MYT1L: variants seen among roughly 807,000 people sequenced by gnomAD.
MYT1L encodes the protein myelin transcription factor 1-like protein.
In MYT1L, 12 loss-of-function variants were observed where a neutral mutation model predicts 126.7. The observed-to-expected ratio is 0.09, with a 90% CI of 0.06 to 0.15. MYT1L has a LOEUF of 0.15. Among genes scored for constraint, MYT1L ranks in the 10% least tolerant of loss-of-function variants. The pLI, the probability that MYT1L is intolerant of heterozygous loss-of-function variation, is 1.00. For missense variants in MYT1L, 979 were observed against 1,585.2 expected (o/e 0.62, Z 6.49); for synonymous variants, 541 against 604.2 (o/e 0.90, Z 1.53).
intron 2 of MYT1L, among the ~76,000 whole-genome samples, chr2:2,208,377 G>A (rs546068304): frequency 6.6e-5 from 10 of 152,206 alleles, no homozygotes; most frequent in South Asian, 4.1e-4. Context: ...ATGACATAAC[G>A]CAGGCAGAGC....
chr2:1,985,543 A>G (rs1053173950), intron 5 of MYT1L, among the ~76,000 whole-genome samples: 16 of 152,384 alleles, frequency 1.0e-4, no homozygotes, highest in Admixed American at 8.5e-4. Flanking sequence ...TATGAAGATT[A>G]GCAAGAATCA....
chr2:1,996,984 G>A (rs1308381048), intron 5 of MYT1L, among the ~76,000 whole-genome samples: 10 of 136,330 alleles, frequency 7.3e-5, no homozygotes, highest in Admixed American at 1.5e-4. Flanking sequence ...TAGACGGGCC[G>A]CCTTTACCTA....
chr2:1,831,330 T>C (rs1260552370), intron 21 of MYT1L, among the ~76,000 whole-genome samples: 1 of 151,888 alleles, frequency 6.6e-6, no homozygotes, highest in East Asian at 1.9e-4. Context: ...CTCCACCTGG[T>C]ACTCCTGCTG....
intron 8 of MYT1L, among the ~76,000 whole-genome samples, chr2:1,974,035 T>C (rs1255737803): frequency 1.3e-5 from 2 of 152,184 alleles, no homozygotes; most frequent in Non-Finnish European, 2.9e-5. Flanking sequence ...CACAAAACAA[T>C]AGCGGACGGT....
intron 4 of MYT1L, among the ~76,000 whole-genome samples, chr2:2,004,749 G>T (rs1003818393): frequency 0.019 from 1,714 of 91,798 alleles, 22 homozygotes; most frequent in African/African-American, 0.1. Flanking sequence ...CTTTCCTGCA[G>T]GCGTTCTTTC....
intron 2 of MYT1L, among the ~76,000 whole-genome samples, chr2:2,233,024 A>G (rs2094196948): frequency 6.6e-6 from 1 of 152,210 alleles, no homozygotes; most frequent in African/African-American, 2.4e-5. Context: ...ACGTTCAGGA[A>G]GCCCCTGACT....
intron 11 of MYT1L, among the ~76,000 whole-genome samples, chr2:1,916,461 T>A (rs1458486459): frequency 6.6e-6 from 1 of 152,216 alleles, no homozygotes; most frequent in Non-Finnish European, 1.5e-5. Flanking sequence ...TGAGAATGTG[T>A]CTTTTCCCTG....
At chr2:1,956,507 TTCTATCTA>T (rs201077164) in intron 8 of MYT1L, among the ~76,000 whole-genome samples, 4,799 of 111,772 alleles carry the variant, frequency 0.043, 153 homozygotes, top group South Asian at 0.066. Flanking sequence ...ATATTTCCTA[TTCTATCTA>T]TCTATCTATC....
intron 23 of MYT1L, among the ~76,000 whole-genome samples, chr2:1,792,828 C>T (rs2032426667): frequency 7.0e-6 from 1 of 143,132 alleles, no homozygotes; most frequent in South Asian, 2.3e-4. Flanking sequence ...TGAGATCACA[C>T]CATTGCACTC....
At chr2:2,097,060 C>A (rs984430563) in intron 3 of MYT1L, among the ~76,000 whole-genome samples, 2 of 152,164 alleles carry the variant, frequency 1.3e-5, no homozygotes, top group Non-Finnish European at 2.9e-5. Context: ...AATCTCCCTG[C>A]AACCACAGGG....
intron 2 of MYT1L, among the ~76,000 whole-genome samples, chr2:2,183,922 GAGGA>G (rs1325247071): frequency 2.2e-5 from 3 of 137,452 alleles, no homozygotes; most frequent in Non-Finnish European, 4.7e-5. Flanking sequence ...GAAGGAGAGA[GAGGA>G]AGGAAGAAAA....
In MYT1L at chr2:2,238,674, T is replaced by G. The variant is rs182022161; in HGVS notation, c.-421+45730A>C. 7.9e-5 allele frequency among the ~76,000 whole-genome samples: 12 copies of G among 152,328 alleles called. No individual in the cohort carries two copies. In the East Asian group the frequency reaches 2.3e-3, roughly 29 times the overall value. ...ATCTGAGAGATCCTGCGTTACAATC[T>G]CCGTGTAGGAGCTCTGCTACTAAAG... On this transcript the variant is annotated intron_variant, in intron 2 of 24. Coordinates refer to ENST00000647738, the MANE Select transcript of MYT1L (RefSeq NM_001303052.2).
chr2:1,986,302 A>C (rs1018200269), intron 5 of MYT1L, among the ~76,000 whole-genome samples: 2 of 152,304 alleles, frequency 1.3e-5, no homozygotes, highest in Admixed American at 1.3e-4. Flanking sequence ...GCATGGTGGG[A>C]ATGCCACGTC....
intron 2 of MYT1L, among the ~76,000 whole-genome samples, chr2:2,201,350 T>TTATCAATTG (rs1423945960): frequency 1.3e-5 from 2 of 152,198 alleles, no homozygotes; most frequent in African/African-American, 2.4e-5. Flanking sequence ...GAAAATGATC[T>TTATCAATTG]TATCAATTGT....
In MYT1L at chr2:2,224,006, G is replaced by A. The variant is rs1206416369; in HGVS notation, c.-420-51018C>T. ...TGTGTTGCTTTGACTGAGTTGACAG[G>A]TGGAGTGTGTATGTTGTGTGAGGTA... On this transcript the variant is annotated intron_variant, in intron 2 of 24. Transcript: ENST00000647738. This position sits in a 1 kb window ranked among gnomAD's most constrained non-coding sequence, Gnocchi z 4.0. Among the ~76,000 whole-genome samples the A allele has an allele frequency of 6.6e-6, 1 of 152,150 alleles. No individual in the cohort carries two copies. Among genetic ancestry groups the A allele is most frequent in the African/African-American group, 2.4e-5 (1 of 41,422 alleles).
chr2:1,792,245 G>A (rs549758932), intron 24 of MYT1L, 76 bp downstream of exon 24: 10 of 1,466,346 alleles, frequency 6.8e-6, no homozygotes, highest in African/African-American at 1.4e-5. Context: ...TGAAAATAAC[G>A]ATAAAAACGG....
intron 8 of MYT1L, among the ~76,000 whole-genome samples, chr2:1,945,693 C>T (rs1171435506): frequency 6.6e-6 from 1 of 152,152 alleles, no homozygotes; most frequent in Non-Finnish European, 1.5e-5. Flanking sequence ...GAGGTTAGTA[C>T]TGAATCTGGC....
chr2:2,006,737 G>A (rs531092577), intron 4 of MYT1L, among the ~76,000 whole-genome samples: 39 of 151,904 alleles, frequency 2.6e-4, no homozygotes, highest in African/African-American at 8.5e-4. Flanking sequence ...CACCATGCCC[G>A]GCTAATTTTT....
intron 3 of MYT1L, among the ~76,000 whole-genome samples, chr2:2,096,033 C>T (rs946271313): frequency 6.6e-6 from 1 of 152,168 alleles, no homozygotes; most frequent in Non-Finnish European, 1.5e-5. Context: ...ATGGTTCACG[C>T]ATGCTTAATA....
Sources: allele counts gnomAD v4.1 joint callset (sites outside exome capture counted in the v4.1 genomes callset), GRCh38; gene constraint gnomAD v4.1.1; non-coding constraint Gnocchi (gnomAD v3.1); transcripts MANE v1.5; gene names NCBI Gene and HGNC (gene_info 2026-07-23, HGNC 2026-07-21).